Variants in CLYBL observed in about 807,000 individuals in gnomAD.
CLYBL encodes citramalyl-CoA lyase, mitochondrial.
In CLYBL, 31 loss-of-function variants were observed where a neutral mutation model predicts 38.9. The ratio of observed to expected loss-of-function variants is 0.80; its 90% CI spans 0.60 to 1.08. The LOEUF is 1.08. Among genes scored for constraint, CLYBL ranks in the 50% least tolerant of loss-of-function variants. The pLI, the probability that CLYBL is intolerant of heterozygous loss-of-function variation, is 0.00. For synonymous variants in CLYBL, 171 were observed against 158.6 expected (o/e 1.08, Z -0.59); for missense variants, 434 against 411.6 (o/e 1.05, Z -0.47).
intron 1 of CLYBL, among the ~76,000 whole-genome samples, chr13:99,613,452 G>A (rs1382518751): frequency 6.6e-6 from 1 of 152,148 alleles, no homozygotes; most frequent in Non-Finnish European, 1.5e-5. Context: ...TACCTGTCAG[G>A]GTCCCAATAG....
intron 1 of CLYBL, among the ~76,000 whole-genome samples, chr13:99,741,205 T>C (rs961342408): frequency 1.8e-4 from 28 of 152,218 alleles, no homozygotes; most frequent in Non-Finnish European, 3.5e-4. Context: ...ACAAAACAGA[T>C]ACTTCAGTGG....
chr13:99,708,034 A>C (rs2139480577), intron 1 of CLYBL, among the ~76,000 whole-genome samples: 1 of 152,222 alleles, frequency 6.6e-6, no homozygotes, highest in African/African-American at 2.4e-5. Flanking sequence ...CCCAGGCTGG[A>C]TTGAAGTGGC....
At position 99,683,480 on chromosome 13, in the gene CLYBL, T is replaced by C. The variant is rs528889939; in HGVS notation, c.62+76723T>C. ...AATATTTCCTTTATCTCTTATTCTA[T>C]ATGCTTTTTTATATTTTTAATTTTT... On this transcript the variant is annotated intron_variant, in intron 1 of 8. Coordinates refer to ENST00000339105, the MANE Select transcript of CLYBL (RefSeq NM_206808.5). 3.3e-5 allele frequency among the ~76,000 whole-genome samples: 5 copies of C among 152,304 alleles called. No individual in the cohort carries two copies. In the East Asian group the frequency reaches 9.6e-4, roughly 29 times the overall value.
intron 1 of CLYBL, among the ~76,000 whole-genome samples, chr13:99,763,426 A>G (rs2049202508): frequency 6.6e-6 from 1 of 151,878 alleles, no homozygotes; most frequent in African/African-American, 2.4e-5. Context: ...TGAAATAATC[A>G]TATAGTCTTT....
At chr13:99,842,213 C>T (rs184330552) in intron 2 of CLYBL, among the ~76,000 whole-genome samples, 1 of 152,228 alleles carries the variant, frequency 6.6e-6, no homozygotes, top group African/African-American at 2.4e-5. Context: ...CAGTAATAAA[C>T]CGAGGGGAAT....
intron 1 of CLYBL, among the ~76,000 whole-genome samples, chr13:99,727,001 G>T (rs895048067): frequency 1.3e-5 from 2 of 151,872 alleles, no homozygotes; most frequent in Non-Finnish European, 2.9e-5. Context: ...TCTACTCAAA[G>T]TTCAAAAATT....
intron 1 of CLYBL, among the ~76,000 whole-genome samples, chr13:99,770,402 C>G (rs2049362095): frequency 1.3e-5 from 2 of 152,204 alleles, no homozygotes; most frequent in Non-Finnish European, 2.9e-5. Flanking sequence ...ACTGCAAGCT[C>G]CGCCTCCCGG....
At chr13:99,638,581 T>A (rs1220496185) in intron 1 of CLYBL, among the ~76,000 whole-genome samples, 1 of 152,248 alleles carries the variant, frequency 6.6e-6, no homozygotes, top group Admixed American at 6.5e-5. Context: ...TAAGCAAGAA[T>A]AAAATCTGTA....
Position 99,742,380 on chromosome 13 carries a change from C to T in CLYBL, c.63-30444C>T, listed in dbSNP as rs1010455282. Among the ~76,000 whole-genome samples, 7 of 152,328 alleles carry T rather than the reference C, an allele frequency of 4.6e-5. 1 individual carries two copies. Among genetic ancestry groups the T allele is most frequent in the Admixed American group, 6.5e-5 (1 of 15,300 alleles). On this transcript the variant is annotated intron_variant, in intron 1 of 8. Coordinates refer to ENST00000339105, the MANE Select transcript of CLYBL (RefSeq NM_206808.5). ...AGGGGAAATGAGGATAAAAGTTACA[C>T]ATGTTGTTATTTTAACATCTAGTCT... is the stretch of plus-strand genomic sequence containing the variant.
chr13:99,899,680 A>AT (rs1212864861), downstream of CLYBL, among the ~76,000 whole-genome samples: 1 of 152,184 alleles, frequency 6.6e-6, no homozygotes, highest in African/African-American at 2.4e-5. Flanking sequence ...TTTTACCATA[A>AT]TTTTTTAAAA....
At chr13:99,832,995 C>CATATATATATATATATAT (rs1566345599) in intron 2 of CLYBL, among the ~76,000 whole-genome samples, 1 of 46,094 alleles carries the variant, frequency 2.2e-5, no homozygotes, top group Non-Finnish European at 4.3e-5. Context: ...GTAGTATATA[C>CATATATATATATATATAT]ATACATACAT....
intron 1 of CLYBL, among the ~76,000 whole-genome samples, chr13:99,717,454 AAAAG>A (rs2048334994): frequency 6.7e-6 from 1 of 150,284 alleles, no homozygotes; most frequent in South Asian, 2.1e-4. Context: ...AAAAAAAAAA[AAAAG>A]AATTATTTTT....
At chr13:99,749,663 G>A (rs150275345) in intron 1 of CLYBL, among the ~76,000 whole-genome samples, 64 of 152,316 alleles carry the variant, frequency 4.2e-4, no homozygotes, top group African/African-American at 1.5e-3. Context: ...ATTGCTTCAG[G>A]AGAGAGTTTG....
Position 99,606,779 on chromosome 13 carries a change from C to T in CLYBL, c.62+22C>T, listed in dbSNP as rs779304565. 15 of 1,388,500 alleles carry T rather than the reference C, an allele frequency of 1.1e-5. No homozygotes were observed. The African/African-American group carries it at 1.5e-4, about 14-fold the overall frequency. The allele number at this position is 1,388,500 out of a possible 1,614,324, so 86.0% of individuals were successfully genotyped here. On this transcript the variant is annotated intron_variant, in intron 1 of 8. Coordinates refer to ENST00000339105, the MANE Select transcript of CLYBL (RefSeq NM_206808.5). ...GGCTGTGAGTGCAGGTCCCCGTTCC[C>T]CGCCTTCCCGGCCCGGCTCGCCGCG...
chr13:99,708,537 C>T (rs1486579900), intron 1 of CLYBL, among the ~76,000 whole-genome samples: 7 of 152,170 alleles, frequency 4.6e-5, no homozygotes, highest in Non-Finnish European at 1.0e-4. Context: ...TGAAATTCTA[C>T]CAGCTGGTTG....
intron 1 of CLYBL, among the ~76,000 whole-genome samples, chr13:99,621,826 C>T (rs139763841): frequency 2.0e-5 from 3 of 152,080 alleles, no homozygotes; most frequent in Admixed American, 6.5e-5. Flanking sequence ...GACAATTCTT[C>T]TTCCAGTGTG....
chr13:99,612,617 G>A (rs546945608), intron 1 of CLYBL, among the ~76,000 whole-genome samples: 4 of 152,006 alleles, frequency 2.6e-5, no homozygotes, highest in African/African-American at 4.8e-5. Context: ...CAAACTCCTG[G>A]ATTCAAGCAG....
chr13:99,608,204 T>C (rs994841852), intron 1 of CLYBL, among the ~76,000 whole-genome samples: 1 of 151,476 alleles, frequency 6.6e-6, no homozygotes, highest in African/African-American at 2.4e-5. Context: ...CCGGAGTAGT[T>C]GGGATTACAG....
rs569012279 is a variant in CLYBL, at chr13:99,718,991, C to T, written c.63-53833C>T. Among the ~76,000 whole-genome samples, 4 of 151,998 alleles carry T rather than the reference C, an allele frequency of 2.6e-5. 1 individual carries two copies. Among genetic ancestry groups the T allele is most frequent in the African/African-American group, 7.2e-5 (3 of 41,460 alleles). ...CCCAGTAGCTGGGATTACAGGCATG[C>T]ACCACCACGCCTGGCTTATTTTGTA... On this transcript the variant is annotated intron_variant, in intron 1 of 8. Coordinates refer to ENST00000339105, the MANE Select transcript of CLYBL (RefSeq NM_206808.5).
Sources: allele counts gnomAD v4.1 joint callset (sites outside exome capture counted in the v4.1 genomes callset), GRCh38; gene constraint gnomAD v4.1.1; transcripts MANE v1.5; gene names NCBI Gene and HGNC (gene_info 2026-07-23, HGNC 2026-07-21).